MICAL2: variants seen among roughly 807,000 people sequenced by gnomAD.
The protein encoded by MICAL2 is microtubule associated monooxygenase, calponin and LIM domain containing 2.
Under a neutral mutation model 127.3 loss-of-function variants are expected in MICAL2, and 77 were observed. The observed-to-expected ratio is 0.60, with a 90% CI of 0.50 to 0.73. The LOEUF is 0.73. Among genes scored for constraint, MICAL2 ranks in the 30% least tolerant of loss-of-function variants. The pLI, the probability that MICAL2 is intolerant of heterozygous loss-of-function variation, is 0.00. For synonymous variants in MICAL2, 570 were observed against 551.1 expected (o/e 1.03, Z -0.48); for missense variants, 1,351 against 1,434.4 (o/e 0.94, Z 0.94).
intron 3 of MICAL2, among the ~76,000 whole-genome samples, chr11:12,172,850 G>A (rs1856434663): frequency 6.6e-6 from 1 of 152,084 alleles, no homozygotes; most frequent in South Asian, 2.1e-4. Flanking sequence ...TGCACAGGCA[G>A]GTCAGAGGTT....
intron 29 of MICAL2, among the ~76,000 whole-genome samples, chr11:12,307,725 C>G (rs1049690116): frequency 1.3e-5 from 2 of 152,152 alleles, no homozygotes; most frequent in Non-Finnish European, 2.9e-5. Context: ...ACTGTTCTTT[C>G]CCCATTGAGT....
chr11:12,141,850 T>A (rs141576245), intron 2 of MICAL2, among the ~76,000 whole-genome samples: 1,578 of 152,294 alleles, frequency 0.01, 17 homozygotes, highest in Non-Finnish European at 0.014. Context: ...CAGTGAGAGA[T>A]GAGAGATACC....
chr11:12,189,052 C>T (rs1449600790), intron 3 of MICAL2, among the ~76,000 whole-genome samples: 1 of 152,224 alleles, frequency 6.6e-6, no homozygotes, highest in East Asian at 1.9e-4. Flanking sequence ...TCTTAGAGCA[C>T]AGTATCACCA....
chr11:12,274,223 T>A (rs1218770041), upstream of MICAL2: 1 of 152,160 alleles, frequency 6.6e-6, no homozygotes, highest in East Asian at 1.9e-4. Flanking sequence ...ACACCTGTTC[T>A]CTGGACACTG....
At chr11:12,143,265 GA>G (rs1852528111) in intron 2 of MICAL2, among the ~76,000 whole-genome samples, 1 of 152,224 alleles carries the variant, frequency 6.6e-6, no homozygotes, top group African/African-American at 2.4e-5. Context: ...TAGAAGTAAG[GA>G]GGAGTAGTGG....
At chr11:12,163,155 G>T (rs1346132467) in intron 3 of MICAL2, among the ~76,000 whole-genome samples, 2 of 152,060 alleles carry the variant, frequency 1.3e-5, no homozygotes, top group African/African-American at 4.8e-5. Context: ...CCATCATTTG[G>T]CCATAGACAG....
At chr11:12,127,858 A>G (rs186883594) in intron 1 of MICAL2, among the ~76,000 whole-genome samples, 4 of 152,206 alleles carry the variant, frequency 2.6e-5, no homozygotes, top group Non-Finnish European at 4.4e-5. Context: ...AAAAAAGTCT[A>G]CTCATTTGAC....
downstream of MICAL2, among the ~76,000 whole-genome samples, chr11:12,267,940 G>A (rs925929986): frequency 6.6e-6 from 1 of 152,220 alleles, no homozygotes; most frequent in Non-Finnish European, 1.5e-5. Flanking sequence ...CAAAACTCCA[G>A]CAGCTCTCCA....
At chr11:12,119,310 A>G (rs1402776524) in intron 1 of MICAL2, among the ~76,000 whole-genome samples, 3 of 152,154 alleles carry the variant, frequency 2.0e-5, no homozygotes, top group Non-Finnish European at 2.9e-5. Context: ...ATGAGAGGAG[A>G]GAGGCTATTT....
At chr11:12,255,526 T>G (rs1590665755) in intron 22 of MICAL2, 117 bp from the exon 23 acceptor site, 1 of 820,544 alleles carries the variant, frequency 1.2e-6, no homozygotes. Context: ...GGTCGTGGGG[T>G]GCTATTTGCA....
intron 11 of MICAL2, 106 bp downstream of exon 11, chr11:12,222,849 GC>G (rs778250323): frequency 7.1e-6 from 10 of 1,409,326 alleles, no homozygotes; most frequent in Non-Finnish European, 9.6e-6. Flanking sequence ...TGGGACTAAG[GC>G]CACCAAGGCC....
intron 2 of MICAL2, among the ~76,000 whole-genome samples, chr11:12,151,959 G>A (rs1037487940): frequency 2.0e-5 from 3 of 152,010 alleles, no homozygotes; most frequent in African/African-American, 7.2e-5. Context: ...TAGCATTTTG[G>A]AGTTTGATGA....
chr11:12,252,113 G>A (rs1264529150), intron 22 of MICAL2, among the ~76,000 whole-genome samples: 7 of 152,110 alleles, frequency 4.6e-5, no homozygotes, highest in African/African-American at 1.7e-4. Flanking sequence ...CTCCCACAAA[G>A]CCCAGGAAGT....
intron 6 of MICAL2, among the ~76,000 whole-genome samples, chr11:12,212,713 G>A (rs1337049909): frequency 6.6e-6 from 1 of 151,374 alleles, no homozygotes; most frequent in Admixed American, 6.6e-5. Context: ...ACATACTGAG[G>A]TACTGGGGTT....
At chr11:12,323,864 G>T (rs1864326967) in intron 30 of MICAL2, 2 of 1,167,822 alleles carry the variant, frequency 1.7e-6, no homozygotes, top group African/African-American at 3.1e-5. Flanking sequence ...ATTTTAGAAG[G>T]TAAGCAGTGG....
At chr11:12,333,003 C>T (rs1938673647) in intron 32 of MICAL2, among the ~76,000 whole-genome samples, 1 of 152,158 alleles carries the variant, frequency 6.6e-6, no homozygotes, top group Non-Finnish European at 1.5e-5. Flanking sequence ...CCTCTGTTTC[C>T]AGCTTCACTG....
chr11:12,276,205 G>T (rs1863720990), intron 1 of MICAL2: 1 of 390,486 alleles, frequency 2.6e-6, no homozygotes, highest in African/African-American at 2.2e-5. Context: ...CAGAAGCGGG[G>T]TTGGAGGAAG....
At chr11:12,227,225 G>A in intron 15 of MICAL2, 94 bp downstream of exon 15, 1 of 909,270 alleles carries the variant, frequency 1.1e-6, no homozygotes, top group Non-Finnish European at 1.7e-6. Flanking sequence ...GTTGAGGCTA[G>A]TAAGTTACAT....
intron 2 of MICAL2, chr11:12,281,113 C>A: frequency 2.5e-6 from 1 of 398,758 alleles, no homozygotes; most frequent in Non-Finnish European, 4.4e-6. Context: ...AGCAGAGAGC[C>A]CACCAGGCTT....
Sources: gnomAD v4.1 joint callset for allele counts (sites outside exome capture counted in the v4.1 genomes callset) on GRCh38, gnomAD v4.1.1 for gene constraint, MANE v1.5 for transcripts, NCBI Gene and HGNC (gene_info 2026-07-23, HGNC 2026-07-21) for gene names.